Variants in DPF3 observed in about 807,000 individuals in gnomAD.
The protein encoded by DPF3 is double PHD fingers 3.
A neutral mutation model predicts 56.8 loss-of-function variants in DPF3; 18 were observed. That is an observed-to-expected ratio of 0.32 (90% CI 0.22 to 0.47). The LOEUF (loss-of-function observed/expected upper bound fraction) is 0.47, where lower values mean the gene tolerates loss of function less well. Ranked by LOEUF, DPF3 falls within the 20% of genes least tolerant of loss-of-function variation. DPF3 has a pLI of 1.00. For missense variants in DPF3, 403 were observed against 488.8 expected (o/e 0.82, Z 1.65); for synonymous variants, 188 against 180.2 (o/e 1.04, Z -0.35).
intron 8 of DPF3, among the ~76,000 whole-genome samples, chr14:72,631,378 C>A (rs1208698808): frequency 6.6e-6 from 1 of 152,224 alleles, no homozygotes; most frequent in Non-Finnish European, 1.5e-5. Context: ...TTCTTGAAAG[C>A]ATCTCAAAGA....
At chr14:72,685,987 C>T (rs1887394253) in intron 7 of DPF3, among the ~76,000 whole-genome samples, 1 of 152,216 alleles carries the variant, frequency 6.6e-6, no homozygotes, top group Non-Finnish European at 1.5e-5. Context: ...TCCACAATTG[C>T]ACCAGAAGTT....
chr14:72,871,586 C>T (rs1356612203), intron 1 of DPF3, among the ~76,000 whole-genome samples: 1 of 152,236 alleles, frequency 6.6e-6, no homozygotes, highest in Non-Finnish European at 1.5e-5. Flanking sequence ...CACGCTGATG[C>T]AAGAGCTGGG....
intron 6 of DPF3, among the ~76,000 whole-genome samples, chr14:72,694,772 A>G (rs1887838730): frequency 6.6e-6 from 1 of 152,226 alleles, no homozygotes; most frequent in South Asian, 2.1e-4. Flanking sequence ...AGAACGATGT[A>G]TCTGGCTAAT....
chr14:72,817,014 A>G (rs1883318379), intron 1 of DPF3, among the ~76,000 whole-genome samples: 1 of 152,028 alleles, frequency 6.6e-6, no homozygotes, highest in African/African-American at 2.4e-5. Flanking sequence ...ACCAGCAACC[A>G]TTTTCATTCC....
chr14:72,821,535 T>C (rs982981298), intron 1 of DPF3, among the ~76,000 whole-genome samples: 8 of 152,214 alleles, frequency 5.3e-5, no homozygotes, highest in African/African-American at 9.7e-5. Flanking sequence ...AACTATCGAA[T>C]ATTGTCCATG....
chr14:72,796,620 C>A (rs1018294430), intron 1 of DPF3, among the ~76,000 whole-genome samples: 1 of 152,168 alleles, frequency 6.6e-6, no homozygotes, highest in Non-Finnish European at 1.5e-5. Context: ...TGTACTATGT[C>A]TCAGACACTA....
intron 1 of DPF3, among the ~76,000 whole-genome samples, chr14:72,804,224 C>G (rs1055787335): frequency 4.5e-4 from 67 of 150,190 alleles, no homozygotes; most frequent in Non-Finnish European, 8.7e-4. Context: ...CACACACACA[C>G]GCAGACAAAG....
intron 6 of DPF3, among the ~76,000 whole-genome samples, chr14:72,712,555 C>G (rs887703284): frequency 6.6e-6 from 1 of 152,196 alleles, no homozygotes; most frequent in South Asian, 2.1e-4. Context: ...CAGACAATTA[C>G]ATACGAAGAT....
chr14:72,641,343 A>G (rs2153567825), intron 8 of DPF3, among the ~76,000 whole-genome samples: 1 of 152,296 alleles, frequency 6.6e-6, no homozygotes, highest in Non-Finnish European at 1.5e-5. Flanking sequence ...CATTGTCTTT[A>G]CCTAACTCCA....
At chr14:72,821,666 G>A (rs964032486) in intron 1 of DPF3, among the ~76,000 whole-genome samples, 1 of 152,096 alleles carries the variant, frequency 6.6e-6, no homozygotes, top group Non-Finnish European at 1.5e-5. Context: ...TAAACAAATT[G>A]TTTCATTGCA....
chr14:72,882,516 G>C (rs1307806208), intron 1 of DPF3, among the ~76,000 whole-genome samples: 2 of 152,186 alleles, frequency 1.3e-5, no homozygotes, highest in African/African-American at 4.8e-5. Context: ...CATAGAACTG[G>C]GATTGGAAGG....
chr14:72,712,075 G>A (rs186509391), intron 6 of DPF3, among the ~76,000 whole-genome samples: 11 of 148,678 alleles, frequency 7.4e-5, no homozygotes, highest in Non-Finnish European at 9.0e-5. Flanking sequence ...GGCAATCGAC[G>A]GTGGCCCCTG....
chr14:72,767,302 A>C (rs1891327502), intron 2 of DPF3, among the ~76,000 whole-genome samples: 1 of 152,256 alleles, frequency 6.6e-6, no homozygotes, highest in African/African-American at 2.4e-5. Context: ...ATCTCAAATG[A>C]GGAAAGACAC....
intron 8 of DPF3, chr14:72,662,155 A>G: frequency 1.0e-6 from 1 of 985,404 alleles, no homozygotes; most frequent in Non-Finnish European, 1.2e-6. Context: ...GAAGGAGGAA[A>G]AAAAAACTGA....
intron 1 of DPF3, among the ~76,000 whole-genome samples, chr14:72,778,044 C>G (rs924846590): frequency 1.3e-5 from 2 of 152,176 alleles, no homozygotes; most frequent in Non-Finnish European, 2.9e-5. Context: ...CTCACTCTCT[C>G]AATCTCTGCC....
chr14:72,720,272 C>T (rs959137948), intron 5 of DPF3, among the ~76,000 whole-genome samples: 3 of 152,070 alleles, frequency 2.0e-5, no homozygotes, highest in African/African-American at 4.8e-5. Context: ...ACAAGAGGAT[C>T]GCTTGAGGCC....
Position 72,661,255 on chromosome 14 carries a change from A to G in DPF3, c.871+12985T>C, listed in dbSNP as rs531226313. ...AGAAAAGGGCTACAAAATGATACAG[A>G]CACTCTCGGTGATCCCCTCCACCAA... On this transcript the variant is annotated intron_variant, in intron 8 of 10. Coordinates refer to ENST00000556509, the MANE Select transcript of DPF3 (RefSeq NM_001280542.3). 4.1e-6 allele frequency: 4 copies of G among 985,348 alleles called. No individual in the cohort carries two copies. The African/African-American group carries it at 7.0e-5, about 17-fold the overall frequency. 61.0% of individuals were successfully genotyped at this position (985,348 alleles called of 1,614,324 possible). A position where few individuals can be genotyped will look rare whatever the true frequency, so the allele number is the denominator to read the frequency against.
chr14:72,802,889 C>T (rs746936813), intron 1 of DPF3, among the ~76,000 whole-genome samples: 3 of 152,124 alleles, frequency 2.0e-5, no homozygotes, highest in Non-Finnish European at 2.9e-5. Flanking sequence ...GCAGCTATCA[C>T]GCCACCCTTC....
At position 72,856,890 on chromosome 14, in the gene DPF3, T is replaced by G. The variant is rs112772046; in HGVS notation, c.32+37167A>C. Among the ~76,000 whole-genome samples, 879 of 152,256 alleles carry G rather than the reference T, an allele frequency of 5.8e-3. 1 individual carries two copies. Among genetic ancestry groups the G allele is most frequent in the Non-Finnish European group, 9.5e-3 (646 of 68,006 alleles). ...GAAGTGGGCCTCCCCTGCGGGGGTA[T>G]GAAATGTGGGGCGAGGACTTAGGAG... On this transcript the variant is annotated intron_variant, in intron 1 of 10. Transcript: ENST00000556509.
Sources: allele counts gnomAD v4.1 joint callset (sites outside exome capture counted in the v4.1 genomes callset), GRCh38; gene constraint gnomAD v4.1.1; transcripts MANE v1.5; gene names NCBI Gene and HGNC (gene_info 2026-07-23, HGNC 2026-07-21).